The following TTC39B variants were observed in gnomAD, a reference collection of about 807,000 sequenced individuals.
The protein encoded by TTC39B is tetratricopeptide repeat protein 39B.
Under a neutral mutation model 96.6 loss-of-function variants are expected in TTC39B, and 92 were observed. The observed-to-expected ratio is 0.95, with a 90% CI of 0.80 to 1.13. TTC39B has a LOEUF of 1.13. Among genes scored for constraint, TTC39B ranks in the 50% most tolerant of loss-of-function variants. The pLI is 0.00. For missense variants in TTC39B, 955 were observed against 809.3 expected, an observed-to-expected ratio of 1.18 and a Z score of -2.18; for synonymous variants, 367 against 299.4, an observed-to-expected ratio of 1.23 and a Z score of -2.33.
chr9:15,245,925 G>T (rs567610286), intron 2 of TTC39B, among the ~76,000 whole-genome samples: 1 of 152,266 alleles, frequency 6.6e-6, no homozygotes, highest in Admixed American at 6.5e-5. Flanking sequence ...CAGAGAACTT[G>T]GGTAGAATGG....
intron 5 of TTC39B, 31 bp downstream of exon 5, chr9:15,211,235 C>T: frequency 7.0e-7 from 1 of 1,426,494 alleles, no homozygotes; most frequent in Non-Finnish European, 9.3e-7. Flanking sequence ...AGTTTGCAGT[C>T]ACATCTTAAG....
exon 20 of TTC39B, chr9:15,168,859 T>A (rs546010163): frequency 2.4e-4 from 37 of 152,234 alleles, no homozygotes; most frequent in African/African-American, 8.7e-4. Context: ...TGGAAAGTAT[T>A]AACACCGGGG....
chr9:15,211,357 T>A (rs1217145023), exon 5 of TTC39B: 9 of 1,597,558 alleles, frequency 5.6e-6, no homozygotes, highest in Non-Finnish European at 7.7e-6. Flanking sequence ...AACACCACAA[T>A]GGTACTGTAG....
At chr9:15,232,567 T>G (rs1821485802) in intron 2 of TTC39B, 2 of 152,314 alleles carry the variant, frequency 1.3e-5, no homozygotes, top group South Asian at 4.1e-4. Context: ...ATTCAGAGTA[T>G]GGACTGCAAG....
chr9:15,285,710 C>T (rs1823947269), intron 1 of TTC39B, among the ~76,000 whole-genome samples: 1 of 152,058 alleles, frequency 6.6e-6, no homozygotes, highest in South Asian at 2.1e-4. Context: ...AAAAAATTAG[C>T]CGGGCTTGGT....
At chr9:15,213,425 A>G (rs1488725119) in intron 4 of TTC39B, among the ~76,000 whole-genome samples, 1 of 152,260 alleles carries the variant, frequency 6.6e-6, no homozygotes. Context: ...CAATTACCAT[A>G]GCAGCTCCTC....
At chr9:15,171,958 G>T in exon 20 of TTC39B, 1 of 1,290,394 alleles carries the variant, frequency 7.7e-7, no homozygotes, top group Non-Finnish European at 1.1e-6. Context: ...TTTAATATAA[G>T]GTTGAATCTA....
In TTC39B at chr9:15,306,457, G is replaced by A. The variant is rs902341378; in HGVS notation, c.240+627C>T. Among the ~76,000 whole-genome samples, 4 of 152,198 alleles carry A rather than the reference G, an allele frequency of 2.6e-5. No individual in the cohort carries two copies. The highest frequency in any genetic ancestry group is 9.6e-5 in the African/African-American group (4 of 41,460). ...CACCGACTCTGAGGACCTGCTAGGGGAAGTGTCCCGGCCCCGTGGAGGGAG... is the reference window on the plus strand; with the variant it reads ...CACCGACTCTGAGGACCTGCTAGGGAAAGTGTCCCGGCCCCGTGGAGGGAG... On this transcript the variant is annotated intron_variant, in intron 1 of 19. Transcript: ENST00000512701. The surrounding 1 kb of genome is among the most constrained non-coding windows in gnomAD (Gnocchi z 5.1).
intron 1 of TTC39B, 77 bp from the exon 2 acceptor site, chr9:15,268,025 A>C (rs1823201567): frequency 2.9e-6 from 4 of 1,362,388 alleles, no homozygotes; most frequent in Admixed American, 1.7e-5. Context: ...AGAGAAAATG[A>C]ATACACGCAT....
intron 1 of TTC39B, among the ~76,000 whole-genome samples, chr9:15,290,851 C>T (rs1465357020): frequency 6.6e-6 from 1 of 152,214 alleles, no homozygotes; most frequent in Admixed American, 6.5e-5. Context: ...GCACAGGGCA[C>T]AGATCCTACT....
chr9:15,271,837 T>C (rs1199624477), intron 1 of TTC39B, among the ~76,000 whole-genome samples: 1 of 152,220 alleles, frequency 6.6e-6, no homozygotes. Context: ...GTTTCCTAAT[T>C]GGTGGATGAA....
At chr9:15,236,998 G>A (rs1339469668) in intron 2 of TTC39B, among the ~76,000 whole-genome samples, 3 of 148,202 alleles carry the variant, frequency 2.0e-5, no homozygotes, top group East Asian at 3.9e-4. Flanking sequence ...AAATGAGATT[G>A]AGACAAAAAA....
chr9:15,216,283 A>G lies in TTC39B; in HGVS notation c.372-2034T>C, dbSNP rs552212589. On this transcript the variant is annotated intron_variant, in intron 3 of 19. Coordinates refer to ENST00000512701, the Ensembl canonical transcript of TTC39B. ...TGCACCAGTGCCTTCGACAATACCT[A>G]GAACATATTACGTGCTCAAAAAATA... Among the ~76,000 whole-genome samples the G allele has an allele frequency of 5.3e-5, 8 of 152,354 alleles. No individual in the cohort carries two copies. The South Asian group carries it at 1.0e-3, about 20-fold the overall frequency.
chr9:15,203,325 A>G (rs1394097115), intron 7 of TTC39B, among the ~76,000 whole-genome samples: 1 of 152,130 alleles, frequency 6.6e-6, no homozygotes, highest in Non-Finnish European at 1.5e-5. Context: ...ACCTCGGCTC[A>G]CGGAAATCTC....
chr9:15,267,933 C>T lies in TTC39B; in HGVS notation c.256G>A (p.Ala86Thr), dbSNP rs141855779. The change falls in exon 2 of 20, where the codon GCC (alanine) becomes ACC (threonine). Residue 86 changes from alanine (A) to threonine (T), a missense_variant. Coordinates refer to ENST00000512701, the Ensembl canonical transcript of TTC39B. ...ACTTACATTGAGATGGTTTCCAAGG[C>T]ATCTTCGAAAACGTCCTGGGGGAAA... 5.6e-6 allele frequency: 9 copies of T among 1,610,674 alleles called. No homozygotes were observed. In the African/African-American group the frequency reaches 1.1e-4, roughly 19 times the overall value.
intron 3 of TTC39B, among the ~76,000 whole-genome samples, chr9:15,225,540 T>C (rs1212733166): frequency 1.3e-5 from 2 of 152,230 alleles, no homozygotes; most frequent in African/African-American, 4.8e-5. Context: ...ACCAAAATTC[T>C]GTGTTCAAGT....
chr9:15,232,786 C>T (rs1279076018), intron 2 of TTC39B, among the ~76,000 whole-genome samples: 3 of 152,256 alleles, frequency 2.0e-5, no homozygotes, highest in African/African-American at 7.2e-5. Context: ...AAGGAGAAGA[C>T]CCTCAAACCT....
chr9:15,182,403 C>T (rs1237197775), exon 17 of TTC39B: 4 of 1,609,318 alleles, frequency 2.5e-6, no homozygotes, highest in African/African-American at 1.3e-5. Context: ...CCATTCCAGA[C>T]ATACATCATT....
chr9:15,246,420 A>T (rs117556734), intron 2 of TTC39B, among the ~76,000 whole-genome samples: 250 of 152,250 alleles, frequency 1.6e-3, no homozygotes, highest in Non-Finnish European at 2.8e-3. Flanking sequence ...AAGGTGTATG[A>T]CTCAGCTGGA....
Sources: gnomAD v4.1 joint callset for allele counts (sites outside exome capture counted in the v4.1 genomes callset) on GRCh38, gnomAD v4.1.1 for gene constraint, Gnocchi (gnomAD v3.1) non-coding constraint, MANE v1.5 for transcripts, NCBI Gene and HGNC (gene_info 2026-07-23, HGNC 2026-07-21) for gene names.